LYN: variants seen among roughly 807,000 people sequenced by gnomAD.
The protein encoded by LYN is tyrosine-protein kinase Lyn.
In LYN, 12 loss-of-function variants were observed where a neutral mutation model predicts 65.0. The ratio of observed to expected loss-of-function variants is 0.18; its 90% CI spans 0.12 to 0.30. The LOEUF is 0.30. LYN is among the 10% of genes least tolerant of loss of function. The probability of loss-of-function intolerance (pLI) is 1.00; values close to 1 mark genes in which losing one functional copy is unlikely to be tolerated. For missense variants in LYN, 380 were observed against 623.2 expected, an observed-to-expected ratio of 0.61 and a Z score of 4.16; for synonymous variants, 222 against 221.2, an observed-to-expected ratio of 1.00 and a Z score of -0.03.
intron 1 of LYN, among the ~76,000 whole-genome samples, chr8:55,941,451 T>C (rs889486776): frequency 6.6e-6 from 1 of 152,186 alleles, no homozygotes. Flanking sequence ...TTTGCTGACT[T>C]TGCAAACTGG....
chr8:55,997,478 C>T (rs1025199492), intron 10 of LYN, among the ~76,000 whole-genome samples: 1 of 152,084 alleles, frequency 6.6e-6, no homozygotes, highest in Non-Finnish European at 1.5e-5. Context: ...TAGATGGCAC[C>T]ATATAGCTGT....
At chr8:55,906,720 A>G (rs1315254448) in intron 1 of LYN, among the ~76,000 whole-genome samples, 1 of 143,874 alleles carries the variant, frequency 7.0e-6, no homozygotes, top group Non-Finnish European at 1.5e-5. Flanking sequence ...CAAAAAAAAG[A>G]AAAAGAAAAA....
chr8:56,008,829 G>A (rs1808741233), intron 12 of LYN, among the ~76,000 whole-genome samples: 1 of 152,168 alleles, frequency 6.6e-6, no homozygotes, highest in Non-Finnish European at 1.5e-5. Context: ...ACAGTTAACT[G>A]CGTCTGTGAA....
intron 1 of LYN, among the ~76,000 whole-genome samples, chr8:55,935,030 G>A (rs576399656): frequency 5.3e-5 from 8 of 152,122 alleles, no homozygotes; most frequent in South Asian, 4.2e-4. Flanking sequence ...ATGGACGGAA[G>A]CAGCTCCACG....
rs1806911524 is a variant in LYN at position 55,950,529 on chromosome 8, G to A, written c.355G>A (p.Ala119Thr). ...AGGCTTCATCCCCAGCAACTATGTGGCCAAACTCAACACCTTAGAAACAGA... is the reference window on the plus strand; with the variant it reads ...AGGCTTCATCCCCAGCAACTATGTGACCAAACTCAACACCTTAGAAACAGA... ...KEGFIPSNYV[A>T]KLNTLETEEW... The change falls in exon 5 of 13, where the codon GCC becomes ACC. Residue 119 changes from alanine to threonine, a missense_variant. Transcript: ENST00000519728. 6.2e-7 allele frequency: 1 copy of A among 1,613,798 alleles called. No homozygotes were observed. Among genetic ancestry groups the A allele is most frequent in the Non-Finnish European group, 8.5e-7 (1 of 1,179,936 alleles).
chr8:55,941,257 CA>C (rs1806602736), intron 1 of LYN, among the ~76,000 whole-genome samples: 1 of 152,292 alleles, frequency 6.6e-6, no homozygotes, highest in East Asian at 1.9e-4. Context: ...GCTTCACATC[CA>C]GCATGTGCCT....
intron 1 of LYN, among the ~76,000 whole-genome samples, chr8:55,912,551 C>T (rs765716826): frequency 1.3e-5 from 2 of 152,038 alleles, no homozygotes; most frequent in Non-Finnish European, 2.9e-5. Context: ...CGTGGCGAAA[C>T]CCCGTAGCTA....
intron 1 of LYN, among the ~76,000 whole-genome samples, chr8:55,908,999 A>C (rs1486458263): frequency 1.2e-4 from 2 of 16,210 alleles, no homozygotes; most frequent in African/African-American, 6.8e-4. Flanking sequence ...GTATATATAT[A>C]TATATATATA....
chr8:55,911,040 G>A (rs1805587003), intron 1 of LYN, among the ~76,000 whole-genome samples: 1 of 140,686 alleles, frequency 7.1e-6, no homozygotes, highest in South Asian at 2.2e-4. Context: ...GGGCCTACAG[G>A]CGCCCACCTC....
chr8:55,992,257 C>T (rs1205849485), intron 10 of LYN, among the ~76,000 whole-genome samples: 1 of 152,102 alleles, frequency 6.6e-6, no homozygotes, highest in Non-Finnish European at 1.5e-5. Context: ...TTATCGGTTT[C>T]CCAAGCTCTG....
chr8:55,995,022 A>G (rs887084367), intron 10 of LYN, among the ~76,000 whole-genome samples: 4 of 152,104 alleles, frequency 2.6e-5, no homozygotes, highest in African/African-American at 7.2e-5. Context: ...GCTTTTTCTA[A>G]CAAGTCTTGT....
At chr8:55,986,186 C>CCT (rs1490554514) in intron 10 of LYN, among the ~76,000 whole-genome samples, 1 of 75,000 alleles carries the variant, frequency 1.3e-5, no homozygotes, top group African/African-American at 1.1e-4. Flanking sequence ...CCACCAGAAT[C>CCT]CCCCCCGCAA....
At chr8:55,896,717 T>C (rs997415912) in intron 1 of LYN, among the ~76,000 whole-genome samples, 18 of 152,078 alleles carry the variant, frequency 1.2e-4, no homozygotes. Flanking sequence ...AAGAGAGGCA[T>C]TCCCCCCAAG....
At chr8:55,969,119 A>G (rs1807538975) in intron 9 of LYN, among the ~76,000 whole-genome samples, 1 of 152,132 alleles carries the variant, frequency 6.6e-6, no homozygotes. Context: ...TATCTCTACA[A>G]AAAAAAGAAT....
intron 1 of LYN, chr8:55,940,370 T>G (rs1806572628): frequency 6.6e-6 from 1 of 152,166 alleles, no homozygotes; most frequent in African/African-American, 2.4e-5. Flanking sequence ...TTTTATTTTT[T>G]TATTATTTAT....
intron 1 of LYN, among the ~76,000 whole-genome samples, chr8:55,925,416 C>T (rs1352146699): frequency 6.6e-6 from 1 of 152,230 alleles, no homozygotes; most frequent in East Asian, 1.9e-4. Flanking sequence ...AGCCACTGCG[C>T]TCCACCAGAA....
intron 1 of LYN, among the ~76,000 whole-genome samples, chr8:55,891,137 G>T (rs1284225464): frequency 6.6e-6 from 1 of 152,062 alleles, no homozygotes; most frequent in Admixed American, 6.5e-5. Flanking sequence ...CGGATCACCT[G>T]AGGTCGGCAG....
At chr8:55,978,615 G>T (rs1346196685) in intron 10 of LYN, among the ~76,000 whole-genome samples, 1 of 152,152 alleles carries the variant, frequency 6.6e-6, no homozygotes, top group African/African-American at 2.4e-5. Flanking sequence ...GCAGAGGACA[G>T]CCCCAGACAG....
chr8:55,984,619 A>G (rs1470794310), intron 10 of LYN, among the ~76,000 whole-genome samples: 1 of 152,212 alleles, frequency 6.6e-6, no homozygotes, highest in African/African-American at 2.4e-5. Flanking sequence ...CAACTTGAAT[A>G]CACACTCAAA....
Sources: allele counts gnomAD v4.1 joint callset (sites outside exome capture counted in the v4.1 genomes callset), GRCh38; gene constraint gnomAD v4.1.1; transcripts MANE v1.5; gene names NCBI Gene and HGNC (gene_info 2026-07-23, HGNC 2026-07-21).